The following WSCD2 variants were observed in gnomAD, a reference collection of about 807,000 sequenced individuals.
The protein encoded by WSCD2 is WSC domain sialate O sulfotransferase 2, also known as sialate:O-sulfotransferase 2.
Under a neutral mutation model 55.7 loss-of-function variants are expected in WSCD2, and 28 were observed. That is an observed-to-expected ratio of 0.50 (90% confidence interval 0.37 to 0.69). WSCD2 has a LOEUF of 0.69. WSCD2 is among the 30% of genes least tolerant of loss of function. The pLI is 0.00. For synonymous variants in WSCD2, 301 were observed against 301.9 expected, an observed-to-expected ratio of 1.00 and a Z score of 0.03; for missense variants, 616 against 762.1, an observed-to-expected ratio of 0.81 and a Z score of 2.26.
chr12:108,158,469 G>A (rs995406444), intron 1 of WSCD2, among the ~76,000 whole-genome samples: 1 of 151,698 alleles, frequency 6.6e-6, no homozygotes, highest in Non-Finnish European at 1.5e-5. Flanking sequence ...TGGGGCGGGC[G>A]GGGTGGGGGT....
chr12:108,229,068 G>C lies in WSCD2; in HGVS notation c.979+1904G>C, dbSNP rs536938883. Among the ~76,000 whole-genome samples the C allele has an allele frequency of 3.9e-5, 6 of 152,254 alleles. No homozygotes were observed. In the East Asian group the frequency reaches 1.2e-3, roughly 29 times the overall value. Reference sequence around the variant, plus strand: ...TAATTGATGAATTTGCTCATTCCCAGTGCCCTACCCCCAGGCCATTACTAG... The same window carrying C: ...TAATTGATGAATTTGCTCATTCCCACTGCCCTACCCCCAGGCCATTACTAG... On this transcript the variant is annotated intron_variant, in intron 6 of 8. Coordinates refer to ENST00000547525, the MANE Select transcript of WSCD2 (RefSeq NM_014653.4).
intron 1 of WSCD2, among the ~76,000 whole-genome samples, chr12:108,152,357 G>A (rs768208631): frequency 6.6e-6 from 1 of 152,202 alleles, no homozygotes; most frequent in African/African-American, 2.4e-5. Context: ...GGGAGGCCAG[G>A]AGAACAAGGG....
chr12:108,139,873 C>A (rs1321014353), intron 1 of WSCD2, among the ~76,000 whole-genome samples: 1 of 152,158 alleles, frequency 6.6e-6, no homozygotes, highest in African/African-American at 2.4e-5. Flanking sequence ...TGAGCAGGAA[C>A]CTAGCTCAGC....
intron 1 of WSCD2, among the ~76,000 whole-genome samples, chr12:108,137,076 C>A (rs73197645): frequency 6.6e-6 from 1 of 152,166 alleles, no homozygotes; most frequent in African/African-American, 2.4e-5. Flanking sequence ...GTGGATCACC[C>A]ACATTTCTTC....
chr12:108,131,328 G>T (rs1875483571), intron 1 of WSCD2, among the ~76,000 whole-genome samples: 1 of 152,316 alleles, frequency 6.6e-6, no homozygotes, highest in East Asian at 1.9e-4. Context: ...CAGTTCAGTT[G>T]AGACACTCTA....
chr12:108,208,768 C>T (rs1206918695), intron 3 of WSCD2, among the ~76,000 whole-genome samples: 1 of 152,170 alleles, frequency 6.6e-6, no homozygotes, highest in South Asian at 2.1e-4. Context: ...TGCAGGGTGT[C>T]TATCAGGGAA....
At chr12:108,192,953 A>G (rs1258349003) in intron 1 of WSCD2, among the ~76,000 whole-genome samples, 1 of 151,526 alleles carries the variant, frequency 6.6e-6, no homozygotes, top group Non-Finnish European at 1.5e-5. Flanking sequence ...TTCTGGGCAT[A>G]TATCTATAGT....
intron 1 of WSCD2, among the ~76,000 whole-genome samples, chr12:108,132,763 T>C (rs1191426603): frequency 6.6e-6 from 1 of 152,240 alleles, no homozygotes; most frequent in African/African-American, 2.4e-5. Flanking sequence ...GTGTGTGTTA[T>C]TTGCATGTGT....
chr12:108,144,275 C>T (rs1419041240), intron 1 of WSCD2, among the ~76,000 whole-genome samples: 1 of 152,164 alleles, frequency 6.6e-6, no homozygotes, highest in Non-Finnish European at 1.5e-5. Context: ...AAACCTGGGT[C>T]ATACGCGTTA....
At chr12:108,179,642 A>G (rs564130310) in intron 1 of WSCD2, among the ~76,000 whole-genome samples, 1 of 152,328 alleles carries the variant, frequency 6.6e-6, no homozygotes, top group Admixed American at 6.5e-5. Flanking sequence ...GCCATAGAGG[A>G]GAGGGGAAGA....
At chr12:108,184,062 G>A (rs1175828785) in intron 1 of WSCD2, among the ~76,000 whole-genome samples, 1 of 152,196 alleles carries the variant, frequency 6.6e-6, no homozygotes, top group East Asian at 1.9e-4. Flanking sequence ...GGAAAACTGG[G>A]TCTGGGTAGA....
chr12:108,166,931 C>G (rs1040283540), intron 1 of WSCD2, among the ~76,000 whole-genome samples: 2 of 151,568 alleles, frequency 1.3e-5, no homozygotes, highest in Non-Finnish European at 2.9e-5. Flanking sequence ...CCTGCCTCAG[C>G]CTCCGGAGTA....
chr12:108,238,411 G>A (rs1055507458), intron 7 of WSCD2, among the ~76,000 whole-genome samples: 1 of 152,130 alleles, frequency 6.6e-6, no homozygotes, highest in Non-Finnish European at 1.5e-5. Context: ...CACCTCTATG[G>A]ACCCCTGTCT....
intron 4 of WSCD2, among the ~76,000 whole-genome samples, chr12:108,219,179 T>C (rs1393498685): frequency 1.3e-5 from 2 of 152,116 alleles, no homozygotes; most frequent in Non-Finnish European, 2.9e-5. Flanking sequence ...ATAAACACCT[T>C]ATGGTAAGAC....
intron 2 of WSCD2, among the ~76,000 whole-genome samples, chr12:108,200,781 T>C (rs1884567129): frequency 6.6e-6 from 1 of 152,156 alleles, no homozygotes; most frequent in African/African-American, 2.4e-5. Context: ...ACAACTGGCT[T>C]TCTGGGAAAG....
At chr12:108,179,684 G>T (rs948715994) in intron 1 of WSCD2, among the ~76,000 whole-genome samples, 2 of 152,184 alleles carry the variant, frequency 1.3e-5, no homozygotes, top group East Asian at 3.8e-4. Flanking sequence ...TTGCCTCTGG[G>T]GAGGCAGTGG....
rs770820613 is a variant in WSCD2 at position 108,221,365 on chromosome 12, GC to G, written c.683-3372del. Among the ~76,000 whole-genome samples the G allele has an allele frequency of 2.0e-5, 3 of 152,124 alleles. No individual in the cohort carries two copies. In the East Asian group the frequency reaches 5.8e-4, roughly 29 times the overall value. On this transcript the variant is annotated intron_variant, in intron 4 of 8. Transcript: ENST00000547525. ...AGGTCAGGAGTTCCAGACCAGCCTGGCCAACAGGGTTAAACCCCATCTCTAC... is the reference window on the plus strand; with the variant it reads ...AGGTCAGGAGTTCCAGACCAGCCTGGCAACAGGGTTAAACCCCATCTCTAC...
At chr12:108,246,579 T>C (rs1466637590) in intron 8 of WSCD2, among the ~76,000 whole-genome samples, 1 of 152,222 alleles carries the variant, frequency 6.6e-6, no homozygotes, top group Admixed American at 6.5e-5. Context: ...CTCCAGGAAC[T>C]GACTGCCTCT....
In WSCD2 at chr12:108,242,560, G is replaced by T. The variant is rs370262665; in HGVS notation, c.1345+2016G>T. Among the ~76,000 whole-genome samples the T allele has an allele frequency of 1.4e-4, 21 of 152,256 alleles. No homozygotes were observed. In the East Asian group the frequency reaches 3.7e-3, roughly 27 times the overall value. On this transcript the variant is annotated intron_variant, in intron 8 of 8. Transcript: ENST00000547525. ...TAGAGGAGAGTGGGAAAACCCCAGT[G>T]CCCAGGCTGCACCCTGGACTATTAC...
Sources: allele counts gnomAD v4.1 joint callset (sites outside exome capture counted in the v4.1 genomes callset), GRCh38; gene constraint gnomAD v4.1.1; transcripts MANE v1.5; gene names NCBI Gene and HGNC (gene_info 2026-07-23, HGNC 2026-07-21).